Variants in IQCM observed in about 807,000 individuals in gnomAD.
IQCM encodes the protein IQ domain-containing protein M.
In IQCM, 45 loss-of-function variants were observed where a neutral mutation model predicts 57.6. That is an observed-to-expected ratio of 0.78 (90% CI 0.62 to 1.00). The LOEUF (loss-of-function observed/expected upper bound fraction) is 1.00. IQCM is among the 50% of genes least tolerant of loss of function. The pLI, the probability that IQCM is intolerant of heterozygous loss-of-function variation, is 0.00. For missense variants in IQCM, 468 were observed against 511.6 expected (o/e 0.91, Z 0.82); for synonymous variants, 148 against 158.9 (o/e 0.93, Z 0.51).
At chr4:149,530,386 G>T (rs1349355945) in intron 12 of IQCM, among the ~76,000 whole-genome samples, 1 of 152,060 alleles carries the variant, frequency 6.6e-6, no homozygotes, top group Non-Finnish European at 1.5e-5. Flanking sequence ...CATATAAGAT[G>T]CTCAATAAAT....
At chr4:149,783,189 C>CT (rs1209046135) in intron 2 of IQCM, among the ~76,000 whole-genome samples, 9 of 152,186 alleles carry the variant, frequency 5.9e-5, no homozygotes, top group African/African-American at 2.2e-4. Context: ...AAACTGAATT[C>CT]TTTTTTCCAG....
chr4:149,757,958 T>C (rs1305557112), intron 2 of IQCM, among the ~76,000 whole-genome samples: 1 of 152,160 alleles, frequency 6.6e-6, no homozygotes, highest in Non-Finnish European at 1.5e-5. Flanking sequence ...CATAGATCAA[T>C]AGCCAACACA....
At chr4:149,367,975 G>C (rs1401199941) in intron 13 of IQCM, among the ~76,000 whole-genome samples, 2 of 151,718 alleles carry the variant, frequency 1.3e-5, no homozygotes, top group Non-Finnish European at 2.9e-5. Context: ...TACCTATTTT[G>C]CTATTAGATT....
In IQCM at chr4:149,484,143, G is replaced by A. The variant is rs139883930; in HGVS notation, c.1229-50586C>T. Among the ~76,000 whole-genome samples, 256 of 151,944 alleles carry A rather than the reference G, an allele frequency of 1.7e-3. 2 individuals carry two copies. The highest frequency in any genetic ancestry group is 0.014 in the Middle Eastern group (4 of 294). On this transcript the variant is annotated intron_variant, in intron 12 of 13. Transcript: ENST00000636793. ...TTTGTTTGTTTGTTTCCATTGGCAT[G>A]GAATATCTCTTTCCATCCCTGAAAT...
At chr4:149,521,236 G>T (rs1435975101) in intron 12 of IQCM, among the ~76,000 whole-genome samples, 1 of 151,480 alleles carries the variant, frequency 6.6e-6, no homozygotes, top group Non-Finnish European at 1.5e-5. Context: ...ATCTTTCTTA[G>T]CCCCCATGCA....
intron 12 of IQCM, among the ~76,000 whole-genome samples, chr4:149,497,217 G>A (rs892311112): frequency 6.6e-6 from 1 of 152,052 alleles, no homozygotes; most frequent in Non-Finnish European, 1.5e-5. Flanking sequence ...CTGGGAGGAG[G>A]AGGAGCCTCA....
intron 13 of IQCM, among the ~76,000 whole-genome samples, chr4:149,388,582 A>G (rs1025492423): frequency 9.9e-6 from 1 of 100,678 alleles, no homozygotes; most frequent in African/African-American, 4.0e-5. Context: ...AAATATATAT[A>G]CATATATACA....
intron 7 of IQCM, among the ~76,000 whole-genome samples, chr4:149,650,066 A>G (rs1759015571): frequency 6.6e-6 from 1 of 152,178 alleles, no homozygotes; most frequent in Non-Finnish European, 1.5e-5. Flanking sequence ...TTATGGGGCC[A>G]AAATTATGTT....
chr4:149,556,501 G>C (rs916671366), intron 10 of IQCM, among the ~76,000 whole-genome samples: 1 of 151,974 alleles, frequency 6.6e-6, no homozygotes, highest in African/African-American at 2.4e-5. Flanking sequence ...AGATTCTATA[G>C]ACCTATAAGA....
At chr4:149,592,465 G>C (rs1753291349) in intron 8 of IQCM, among the ~76,000 whole-genome samples, 2 of 151,952 alleles carry the variant, frequency 1.3e-5, no homozygotes, top group Admixed American at 1.3e-4. Flanking sequence ...AGTTTAATTA[G>C]ATCCCATTTG....
chr4:149,468,018 G>A (rs1352818169), intron 12 of IQCM, among the ~76,000 whole-genome samples: 1 of 152,092 alleles, frequency 6.6e-6, no homozygotes, highest in Non-Finnish European at 1.5e-5. Flanking sequence ...GATTGCTAGG[G>A]GGAGGCTCCA....
intron 8 of IQCM, among the ~76,000 whole-genome samples, chr4:149,600,482 A>T (rs937826162): frequency 2.0e-5 from 3 of 152,220 alleles, no homozygotes; most frequent in Non-Finnish European, 4.4e-5. Context: ...AATACAGTGA[A>T]AAAAGATAAT....
chr4:149,373,106 A>G (rs1730472437), intron 13 of IQCM, among the ~76,000 whole-genome samples: 2 of 152,204 alleles, frequency 1.3e-5, no homozygotes. Flanking sequence ...AAATGAAGTA[A>G]CTAAATGTAG....
At chr4:149,493,531 T>C (rs1208230257) in intron 12 of IQCM, among the ~76,000 whole-genome samples, 2 of 152,050 alleles carry the variant, frequency 1.3e-5, no homozygotes, top group Non-Finnish European at 2.9e-5. Context: ...CCAAAATATA[T>C]ATGTTGAAAT....
intron 11 of IQCM, among the ~76,000 whole-genome samples, chr4:149,550,078 G>A (rs113714539): frequency 6.6e-6 from 1 of 152,162 alleles, no homozygotes; most frequent in African/African-American, 2.4e-5. Flanking sequence ...GCCAGCATCT[G>A]CATTCCATTG....
At chr4:149,581,892 A>G (rs1752216841) in intron 9 of IQCM, among the ~76,000 whole-genome samples, 2 of 151,558 alleles carry the variant, frequency 1.3e-5, no homozygotes, top group African/African-American at 4.8e-5. Context: ...CAAGGTGGGA[A>G]GTCAGCCAGA....
intron 7 of IQCM, among the ~76,000 whole-genome samples, chr4:149,677,632 A>C (rs964774783): frequency 1.3e-5 from 2 of 152,070 alleles, no homozygotes; most frequent in African/African-American, 4.8e-5. Flanking sequence ...ATGTACATCC[A>C]CAAGTAACAA....
intron 12 of IQCM, among the ~76,000 whole-genome samples, chr4:149,509,959 C>T (rs1434105821): frequency 6.6e-6 from 1 of 151,932 alleles, no homozygotes; most frequent in African/African-American, 2.4e-5. Flanking sequence ...CAATATCTAC[C>T]CTTATTTTAT....
At chr4:149,366,949 A>C (rs1196696435) in intron 13 of IQCM, among the ~76,000 whole-genome samples, 1 of 152,046 alleles carries the variant, frequency 6.6e-6, no homozygotes, top group Non-Finnish European at 1.5e-5. Flanking sequence ...TAATAATGAC[A>C]AACAATGAGG....
Sources: gnomAD v4.1 joint callset for allele counts (sites outside exome capture counted in the v4.1 genomes callset) on GRCh38, gnomAD v4.1.1 for gene constraint, MANE v1.5 for transcripts, NCBI Gene and HGNC (gene_info 2026-07-23, HGNC 2026-07-21) for gene names.